The following ENTHD1 variants were observed in gnomAD, a reference collection of about 807,000 sequenced individuals.
ENTHD1 encodes ENTH domain containing 1, also known as ENTH domain-containing protein 1.
In ENTHD1, 23 loss-of-function variants were observed where a neutral mutation model predicts 39.1. The ratio of observed to expected loss-of-function variants is 0.59; its 90% CI spans 0.42 to 0.83. ENTHD1 has a LOEUF of 0.83. ENTHD1 is among the 40% of genes least tolerant of loss of function. The pLI is 0.00. For missense variants in ENTHD1, 624 were observed against 705.4 expected (o/e 0.88, Z 1.31); for synonymous variants, 230 against 258.2 (o/e 0.89, Z 1.05).
chr22:39,774,156 C>T (rs528698736), intron 5 of ENTHD1, among the ~76,000 whole-genome samples: 27 of 152,146 alleles, frequency 1.8e-4, no homozygotes, highest in Admixed American at 1.2e-3. Context: ...GAAACTCATT[C>T]CTCTTCAGAT....
chr22:39,780,200 C>A (rs528903221), intron 5 of ENTHD1, among the ~76,000 whole-genome samples: 1 of 152,142 alleles, frequency 6.6e-6, no homozygotes, highest in Non-Finnish European at 1.5e-5. Flanking sequence ...ATAGTGAAAC[C>A]TTGTCTCTGC....
Position 39,796,544 on chromosome 22 carries a change from C to T in ENTHD1, c.832+24449G>A, listed in dbSNP as rs1041217541. 5.3e-5 allele frequency among the ~76,000 whole-genome samples: 8 copies of T among 152,246 alleles called. No homozygotes were observed. The South Asian group carries it at 1.7e-3, about 32-fold the overall frequency. Reference sequence around the variant, plus strand: ...TTTGGCTTCCCAAAGTGCTGAATTACAGGTGAGCCACCATGCCTGGCTGGT... The same window carrying T: ...TTTGGCTTCCCAAAGTGCTGAATTATAGGTGAGCCACCATGCCTGGCTGGT... On this transcript the variant is annotated intron_variant, in intron 5 of 6. Coordinates refer to ENST00000325157, the MANE Select transcript of ENTHD1 (RefSeq NM_152512.4).
At chr22:39,816,044 G>A (rs1220423259) in intron 5 of ENTHD1, among the ~76,000 whole-genome samples, 1 of 152,182 alleles carries the variant, frequency 6.6e-6, no homozygotes, top group Admixed American at 6.5e-5. Flanking sequence ...TGCTAGTGGG[G>A]GTGTGAGGGA....
intron 3 of ENTHD1, among the ~76,000 whole-genome samples, chr22:39,861,491 G>A (rs1262611376): frequency 6.6e-6 from 1 of 152,140 alleles, no homozygotes; most frequent in East Asian, 1.9e-4. Context: ...AGTGAGCTGA[G>A]ATAGTGCCAC....
intron 2 of ENTHD1, among the ~76,000 whole-genome samples, chr22:39,872,976 T>G (rs2066256374): frequency 6.6e-6 from 1 of 151,798 alleles, no homozygotes; most frequent in South Asian, 2.1e-4. Flanking sequence ...CTAGCTAATT[T>G]TCTTTTCTTT....
At chr22:39,776,769 G>A (rs2065368666) in intron 5 of ENTHD1, among the ~76,000 whole-genome samples, 1 of 152,222 alleles carries the variant, frequency 6.6e-6, no homozygotes, top group African/African-American at 2.4e-5. Flanking sequence ...TTGCCAGTTT[G>A]CAGATGACGA....
intron 5 of ENTHD1, among the ~76,000 whole-genome samples, chr22:39,793,819 T>C (rs1434438223): frequency 2.0e-5 from 3 of 152,236 alleles, no homozygotes; most frequent in Non-Finnish European, 4.4e-5. Flanking sequence ...TTGGTCTATG[T>C]GTCTGTTTTT....
At chr22:39,794,589 T>C (rs930773140) in intron 5 of ENTHD1, among the ~76,000 whole-genome samples, 1 of 151,774 alleles carries the variant, frequency 6.6e-6, no homozygotes, top group African/African-American at 2.4e-5. Flanking sequence ...GATCACGAGG[T>C]CAGGAAATCG....
intron 3 of ENTHD1, among the ~76,000 whole-genome samples, chr22:39,853,512 CAG>C (rs1225564556): frequency 4.6e-5 from 7 of 152,102 alleles, no homozygotes. Context: ...GCCTGGGCGA[CAG>C]AGTGAGACTC....
rs573839465 is a variant in ENTHD1, at chr22:39,820,647, C to G, written c.832+346G>C. ...AATTTGTGGCTACTGTGCATCTTAG[C>G]TCTTCACATTTTCACTTGATGCCTG... On this transcript the variant is annotated intron_variant, in intron 5 of 6. Transcript: ENST00000325157. Among the ~76,000 whole-genome samples the G allele has an allele frequency of 5.7e-4, 86 of 152,210 alleles. 1 individual carries two copies. The highest frequency in any genetic ancestry group is 2.0e-3 in the African/African-American group (82 of 41,520).
rs929852388 is a variant in ENTHD1, at chr22:39,775,458, C to T, written c.833-9849G>A. The stretch of plus-strand genomic sequence containing the variant: ...GATCCCAGAGATCAAGTGACTTGCT[C>T]GGGATCACACAATGATTAAAGAGCA... On this transcript the variant is annotated intron_variant, in intron 5 of 6. Coordinates refer to ENST00000325157, the MANE Select transcript of ENTHD1 (RefSeq NM_152512.4). 3.3e-5 allele frequency among the ~76,000 whole-genome samples: 5 copies of T among 152,226 alleles called. No homozygotes were observed. The South Asian group carries it at 6.2e-4, about 19-fold the overall frequency.
chr22:39,770,309 C>G (rs1211150419), intron 5 of ENTHD1, among the ~76,000 whole-genome samples: 1 of 152,134 alleles, frequency 6.6e-6, no homozygotes, highest in Non-Finnish European at 1.5e-5. Flanking sequence ...AGGACTTGCT[C>G]CTTCCTGTTT....
chr22:39,856,877 GAAAA>G (rs2066094937), intron 3 of ENTHD1, among the ~76,000 whole-genome samples: 1 of 147,034 alleles, frequency 6.8e-6, no homozygotes, highest in African/African-American at 2.5e-5. Flanking sequence ...AAGAAAGAAA[GAAAA>G]GGAAAAGAAA....
rs1357977414 is a variant in ENTHD1, at chr22:39,887,705, G to A, written c.44C>T (p.Ser15Leu). 6.3e-7 allele frequency: 1 copy of A among 1,589,634 alleles called. No individual in the cohort carries two copies. Reference protein sequence around the residue: ...RQVKNFVKNYSDAEIKVREAT... With the variant: ...RQVKNFVKNYLDAEIKVREAT... ...TTCCCTGACTTTTATTTCAGCATCT[G>A]AGTAATTTTTCACAAAGTTTTTCAC... Residue 15 changes from serine (S) to leucine (L), a missense_variant, in exon 2 of 7, where the codon TCA becomes TTA. Ser to Leu is a moderately radical substitution (Grantham distance 145). Coordinates refer to ENST00000325157, the MANE Select transcript of ENTHD1 (RefSeq NM_152512.4).
intron 2 of ENTHD1, among the ~76,000 whole-genome samples, chr22:39,862,510 T>C (rs1671704952): frequency 6.9e-6 from 1 of 144,132 alleles, no homozygotes; most frequent in South Asian, 2.2e-4. Context: ...ATTGCACCAC[T>C]GCACTCCAGC....
intron 5 of ENTHD1, among the ~76,000 whole-genome samples, chr22:39,777,050 G>C (rs2065370704): frequency 6.6e-6 from 1 of 152,190 alleles, no homozygotes; most frequent in Non-Finnish European, 1.5e-5. Flanking sequence ...TGGCAAGCAG[G>C]ACAAAAGATG....
intron 5 of ENTHD1, among the ~76,000 whole-genome samples, chr22:39,791,488 G>C (rs1051603199): frequency 6.6e-6 from 1 of 151,922 alleles, no homozygotes; most frequent in African/African-American, 2.4e-5. Context: ...TCCACCTCCT[G>C]GGTTCAAGCA....
chr22:39,876,670 T>A (rs2066292711), intron 2 of ENTHD1, among the ~76,000 whole-genome samples: 1 of 152,204 alleles, frequency 6.6e-6, no homozygotes, highest in Non-Finnish European at 1.5e-5. Flanking sequence ...AACTGTATAC[T>A]TAAGATTTAA....
chr22:39,857,183 CTG>C (rs763133690), intron 3 of ENTHD1, among the ~76,000 whole-genome samples: 1 of 152,054 alleles, frequency 6.6e-6, no homozygotes, highest in Non-Finnish European at 1.5e-5. Flanking sequence ...TGGCTCATGA[CTG>C]TAATCCCAGC....
Sources: allele counts gnomAD v4.1 joint callset (sites outside exome capture counted in the v4.1 genomes callset), GRCh38; gene constraint gnomAD v4.1.1; transcripts MANE v1.5; gene names NCBI Gene and HGNC (gene_info 2026-07-23, HGNC 2026-07-21).